Variants in AHCYL1 observed in about 807,000 individuals in gnomAD.
The protein encoded by AHCYL1 is adenosylhomocysteinase like 1.
In AHCYL1, 20 loss-of-function variants were observed where a neutral mutation model predicts 79.3. The ratio of observed to expected loss-of-function variants is 0.25; its 90% confidence interval spans 0.18 to 0.37. The LOEUF (loss-of-function observed/expected upper bound fraction) is 0.37. AHCYL1 is among the 10% of genes least tolerant of loss of function. The pLI is 1.00. For missense variants in AHCYL1, 330 were observed against 673.6 expected (o/e 0.49, Z 5.65); for synonymous variants, 223 against 242.2 (o/e 0.92, Z 0.74).
intron 1 of AHCYL1, among the ~76,000 whole-genome samples, chr1:109,998,210 C>T (rs1292948338): frequency 6.6e-6 from 1 of 152,182 alleles, no homozygotes; most frequent in Non-Finnish European, 1.5e-5. Flanking sequence ...AAGAATTTCA[C>T]ACCTCACTTC....
Position 110,014,793 on chromosome 1 carries a change from C to T in AHCYL1, c.611C>T (p.Ser204Leu). 6.2e-7 allele frequency: 1 copy of T among 1,614,182 alleles called. No individual in the cohort carries two copies. The highest frequency in any genetic ancestry group is 8.5e-7 in the Non-Finnish European group (1 of 1,180,024). The change falls in exon 6 of 17, where the codon TCA (serine) becomes TTA (leucine). Residue 204 changes from serine to leucine, a missense_variant. By Grantham distance (145) the Ser-to-Leu change is moderately radical. Coordinates refer to ENST00000369799, the MANE Select transcript of AHCYL1 (RefSeq NM_006621.7). ...GVAVFAWKGESEDDFWWCIDR... is the reference protein window; with the variant it reads ...GVAVFAWKGELEDDFWWCIDR... ...GCAGTGTTCGCTTGGAAGGGCGAGT[C>T]AGAAGATGACTTCTGGTGGTGTATT...
At chr1:110,001,542 C>G (rs1650315530) in intron 1 of AHCYL1, among the ~76,000 whole-genome samples, 1 of 151,994 alleles carries the variant, frequency 6.6e-6, no homozygotes, top group South Asian at 2.1e-4. Context: ...CCCTATGAAC[C>G]AATACAAAAT....
intron 5 of AHCYL1, 65 bp downstream of exon 5, chr1:110,013,064 T>C: frequency 1.5e-6 from 2 of 1,294,122 alleles, no homozygotes; most frequent in Non-Finnish European, 2.2e-6. Context: ...AACTTTTTTG[T>C]ATCAAAATTG....
chr1:110,004,411 T>C, intron 1 of AHCYL1: 1 of 985,494 alleles, frequency 1.0e-6, no homozygotes, highest in Non-Finnish European at 1.2e-6. Flanking sequence ...TGGATTCAAC[T>C]CTGGCCTGAG....
At chr1:109,987,073 G>A (rs1020714094) in intron 1 of AHCYL1, among the ~76,000 whole-genome samples, 20 of 152,132 alleles carry the variant, frequency 1.3e-4, no homozygotes, top group Non-Finnish European at 7.4e-5. Context: ...GTGCCCCACC[G>A]TGTTTCTTAT....
chr1:110,016,804 T>C, intron 9 of AHCYL1, 74 bp downstream of exon 9: 1 of 1,572,770 alleles, frequency 6.4e-7, no homozygotes, highest in Non-Finnish European at 8.7e-7. Flanking sequence ...AGGCTTGTGC[T>C]GTCAATCTAG....
In AHCYL1 at chr1:110,022,899, C is replaced by G. The variant is rs752946665; in HGVS notation, c.*1219C>G. 2.6e-5 allele frequency: 4 copies of G among 152,494 alleles called. No individual in the cohort carries two copies. Among genetic ancestry groups the G allele is most frequent in the Non-Finnish European group, 2.9e-5 (2 of 68,028 alleles). 9.4% of individuals were successfully genotyped at this position (152,494 alleles called of 1,614,324 possible). On this transcript the variant is annotated 3_prime_UTR_variant, in exon 17 of 17. Transcript: ENST00000369799. ...CCACAAAGAGTTTATGAACTGAGAT[C>G]ATAAAGGGCAACTGATGTGTGAAGA...
intron 15 of AHCYL1, among the ~76,000 whole-genome samples, chr1:110,019,898 A>G (rs1325580817): frequency 6.6e-6 from 1 of 152,246 alleles, no homozygotes; most frequent in Non-Finnish European, 1.5e-5. Context: ...TTCTTACTCT[A>G]AGTAGCCTTA....
chr1:110,004,287 G>T, intron 1 of AHCYL1: 1 of 985,466 alleles, frequency 1.0e-6, no homozygotes, highest in Non-Finnish European at 1.2e-6. Context: ...TGGGGAGAGT[G>T]AGAACTTAAG....
chr1:109,999,950 A>G (rs1650221825), intron 1 of AHCYL1, among the ~76,000 whole-genome samples: 1 of 152,174 alleles, frequency 6.6e-6, no homozygotes, highest in African/African-American at 2.4e-5. Flanking sequence ...AGACTTGGAA[A>G]GGGTGCTTTT....
At position 110,009,127 on chromosome 1, in the gene AHCYL1, A is replaced by G; in HGVS notation, c.214A>G (p.Thr72Ala). Residue 72 changes from threonine to alanine, a missense_variant, in exon 2 of 17, where the codon ACT (threonine) becomes GCT (alanine). Thr to Ala is a moderately conservative substitution (Grantham distance 58). Coordinates refer to ENST00000369799, the MANE Select transcript of AHCYL1 (RefSeq NM_006621.7). Reference protein sequence around the residue: ...SLSRSISQSSTDSYSSAASYT... With the variant: ...SLSRSISQSSADSYSSAASYT... ...GTCTCGCTCGATCTCACAGTCCTCC[A>G]CTGACAGCTACAGTTCAGGTAGGTG... 1 of 1,613,556 alleles carries G rather than the reference A, an allele frequency of 6.2e-7. No homozygotes were observed. The highest frequency in any genetic ancestry group is 8.5e-7 in the Non-Finnish European group (1 of 1,179,578).
chr1:109,995,063 G>A (rs931727677), intron 1 of AHCYL1, among the ~76,000 whole-genome samples: 2 of 152,190 alleles, frequency 1.3e-5, no homozygotes, highest in African/African-American at 2.4e-5. Flanking sequence ...TCTGGGGATA[G>A]TTTCTGTTCT....
intron 1 of AHCYL1, chr1:110,000,964 C>T: frequency 1.0e-6 from 1 of 985,128 alleles, no homozygotes; most frequent in Non-Finnish European, 1.2e-6. Context: ...TCTAGGCATT[C>T]AGGATCTTGG....
chr1:109,989,768 C>T lies in AHCYL1; in HGVS notation c.120+4596C>T, dbSNP rs76223409. 2.2e-3 allele frequency among the ~76,000 whole-genome samples: 335 copies of T among 152,240 alleles called. 8 individuals are homozygous for T. In the East Asian group the frequency reaches 0.055, roughly 25 times the overall value. On this transcript the variant is annotated intron_variant, in intron 1 of 16. Coordinates refer to ENST00000369799, the MANE Select transcript of AHCYL1 (RefSeq NM_006621.7). The stretch of plus-strand genomic sequence containing the variant: ...ATTGCATTTTTATAAAGAATGTCAA[C>T]CCTGATTATACTGGATACATTTTAT...
chr1:110,017,851 G>T, intron 10 of AHCYL1, 95 bp from the exon 11 acceptor site: 1 of 1,287,360 alleles, frequency 7.8e-7, no homozygotes, highest in Non-Finnish European at 1.1e-6. Flanking sequence ...GGTGGCACTG[G>T]ATCCAACTAG....
At chr1:110,008,968 TAAAA>T in intron 1 of AHCYL1, 62 bp from the exon 2 acceptor site, 1 of 1,084,510 alleles carries the variant, frequency 9.2e-7, no homozygotes, top group South Asian at 1.6e-5. Flanking sequence ...AATGTATCCT[TAAAA>T]AAAAAAACAT....
At chr1:110,020,524 T>C (rs912593455) in intron 15 of AHCYL1, among the ~76,000 whole-genome samples, 9 of 151,262 alleles carry the variant, frequency 5.9e-5, no homozygotes, top group Non-Finnish European at 1.2e-4. Context: ...GAACGCACTG[T>C]ACATGTGCTG....
intron 5 of AHCYL1, 108 bp from the exon 6 acceptor site, chr1:110,014,655 C>A: frequency 1.3e-6 from 1 of 756,780 alleles, no homozygotes; most frequent in Non-Finnish European, 2.1e-6. Context: ...TTTTTCCCTT[C>A]TGAAATTGTT....
At chr1:109,985,519 GGGTGTACAGAAAATCTCCCTTCA>G (rs1409662895) in intron 1 of AHCYL1, 1 of 1,009,080 alleles carries the variant, frequency 9.9e-7, no homozygotes, top group Non-Finnish European at 1.2e-6. Flanking sequence ...CGGGGGCATG[GGGTGTACAGAAAATCTCCCTTCA>G]GGTGAGTGGG....
Sources: allele counts gnomAD v4.1 joint callset (sites outside exome capture counted in the v4.1 genomes callset), GRCh38; gene constraint gnomAD v4.1.1; transcripts MANE v1.5; gene names NCBI Gene and HGNC (gene_info 2026-07-23, HGNC 2026-07-21).